The following KCNAB1 variants were observed in gnomAD, a reference collection of about 807,000 sequenced individuals.
The protein encoded by KCNAB1 is potassium voltage-gated channel subfamily A regulatory beta subunit 1.
Under a neutral mutation model 64.6 loss-of-function variants are expected in KCNAB1, and 35 were observed. The ratio of observed to expected loss-of-function variants is 0.54; its 90% confidence interval spans 0.41 to 0.72. The LOEUF is 0.72. KCNAB1 is among the 30% of genes least tolerant of loss of function. The pLI is 0.00. For synonymous variants in KCNAB1, 177 were observed against 183.8 expected (o/e 0.96, Z 0.30); for missense variants, 401 against 512.9 (o/e 0.78, Z 2.11).
intron 1 of KCNAB1, among the ~76,000 whole-genome samples, chr3:156,252,149 C>T (rs923418252): frequency 2.0e-5 from 3 of 152,238 alleles, no homozygotes; most frequent in Non-Finnish European, 4.4e-5. Flanking sequence ...CGGAGGGCAT[C>T]ACTGGGCCAT....
intron 1 of KCNAB1, among the ~76,000 whole-genome samples, chr3:156,288,477 A>C (rs1038276643): frequency 6.6e-6 from 1 of 152,192 alleles, no homozygotes. Flanking sequence ...TACATATTCC[A>C]AGTCTAATTG....
At position 156,159,312 on chromosome 3, in the gene KCNAB1, A is replaced by T. The variant is rs557414651; in HGVS notation, c.275+38426A>T. Among the ~76,000 whole-genome samples the T allele has an allele frequency of 1.1e-4, 16 of 152,306 alleles. No individual in the cohort carries two copies. The East Asian group carries it at 3.1e-3, about 29-fold the overall frequency. On this transcript the variant is annotated intron_variant, in intron 1 of 13. Transcript: ENST00000490337. Reference sequence around the variant, plus strand: ...GGGGAATATTTTCCTCTATTAGTCTATGTCTCAAGTGGTTTGTGCTGCTTA... The same window carrying T: ...GGGGAATATTTTCCTCTATTAGTCTTTGTCTCAAGTGGTTTGTGCTGCTTA...
intron 1 of KCNAB1, among the ~76,000 whole-genome samples, chr3:156,226,151 A>G (rs1405250464): frequency 6.6e-6 from 1 of 152,198 alleles, no homozygotes; most frequent in Non-Finnish European, 1.5e-5. Flanking sequence ...GCATCACATT[A>G]CCTGACTTCA....
At position 156,310,186 on chromosome 3, in the gene KCNAB1, C is replaced by T. The variant is rs115774457; in HGVS notation, c.276-111430C>T. Among the ~76,000 whole-genome samples, 1,150 of 152,236 alleles carry T rather than the reference C, an allele frequency of 7.6e-3. 19 individuals carry two copies. Among genetic ancestry groups the T allele is most frequent in the African/African-American group, 0.026 (1,100 of 41,526 alleles). ...CTCAAAAAAATGGGGTATTTCTCTC[C>T]CTGCCCCCAAGCCAAGAGGGAGACT... On this transcript the variant is annotated intron_variant, in intron 1 of 13. Coordinates refer to ENST00000490337, the MANE Select transcript of KCNAB1 (RefSeq NM_172160.3).
chr3:156,330,706 G>A (rs1723278210), intron 1 of KCNAB1, among the ~76,000 whole-genome samples: 1 of 152,124 alleles, frequency 6.6e-6, no homozygotes, highest in Non-Finnish European at 1.5e-5. Context: ...CCAGGTAGAT[G>A]CAAAGAAAAT....
At chr3:156,504,048 C>T (rs1156532146) in intron 8 of KCNAB1, among the ~76,000 whole-genome samples, 1 of 152,176 alleles carries the variant, frequency 6.6e-6, no homozygotes, top group Non-Finnish European at 1.5e-5. Flanking sequence ...ACCAAACTCT[C>T]CGTATCCTCC....
intron 1 of KCNAB1, among the ~76,000 whole-genome samples, chr3:156,196,169 A>C (rs775053899): frequency 6.6e-6 from 1 of 152,000 alleles, no homozygotes; most frequent in Non-Finnish European, 1.5e-5. Context: ...TACCATTACC[A>C]TGCTGTTTTG....
intron 1 of KCNAB1, among the ~76,000 whole-genome samples, chr3:156,272,824 C>T (rs868640562): frequency 6.6e-5 from 10 of 151,970 alleles, no homozygotes; most frequent in Non-Finnish European, 1.5e-5. Context: ...TGGGTCACAC[C>T]TAAAGCCAGC....
At chr3:156,350,471 C>T (rs1724782479) in intron 1 of KCNAB1, among the ~76,000 whole-genome samples, 1 of 148,220 alleles carries the variant, frequency 6.7e-6, no homozygotes, top group Non-Finnish European at 1.5e-5. Flanking sequence ...TGCACCACTG[C>T]ACTGTAGCCC....
At chr3:156,227,573 C>G (rs551534877) in intron 1 of KCNAB1, 1 of 151,874 alleles carries the variant, frequency 6.6e-6, no homozygotes, top group African/African-American at 2.4e-5. Context: ...GTAGGTAAGT[C>G]GACATTATTA....
intron 1 of KCNAB1, among the ~76,000 whole-genome samples, chr3:156,306,319 A>C (rs927408807): frequency 6.6e-6 from 1 of 152,198 alleles, no homozygotes; most frequent in Non-Finnish European, 1.5e-5. Flanking sequence ...ACTAGGCAGC[A>C]GGGCCACTTG....
At chr3:156,208,851 A>T (rs1714834027) in intron 1 of KCNAB1, among the ~76,000 whole-genome samples, 1 of 152,226 alleles carries the variant, frequency 6.6e-6, no homozygotes, top group Non-Finnish European at 1.5e-5. Flanking sequence ...TCACTCATTC[A>T]TACCTATTGG....
chr3:156,126,940 A>G (rs572547438), intron 1 of KCNAB1, among the ~76,000 whole-genome samples: 10 of 152,342 alleles, frequency 6.6e-5, no homozygotes, highest in Admixed American at 1.3e-4. Flanking sequence ...TGCCCTTGCT[A>G]TTATCATGAG....
At chr3:156,442,500 C>T (rs1209815219) in intron 2 of KCNAB1, among the ~76,000 whole-genome samples, 1 of 152,190 alleles carries the variant, frequency 6.6e-6, no homozygotes, top group Non-Finnish European at 1.5e-5. Flanking sequence ...TTCCTTGGCA[C>T]TGAAATACAT....
chr3:156,403,250 C>A (rs1297265737), intron 1 of KCNAB1, among the ~76,000 whole-genome samples: 1 of 152,172 alleles, frequency 6.6e-6, no homozygotes, highest in African/African-American at 2.4e-5. Context: ...AGCCTGGTCA[C>A]CATGCCATGT....
chr3:156,238,773 C>G (rs1717003612), intron 1 of KCNAB1, among the ~76,000 whole-genome samples: 1 of 152,122 alleles, frequency 6.6e-6, no homozygotes, highest in South Asian at 2.1e-4. Flanking sequence ...ACATCCTTGT[C>G]TCTGATCTAA....
intron 1 of KCNAB1, among the ~76,000 whole-genome samples, chr3:156,354,528 A>T (rs1249900700): frequency 1.3e-5 from 2 of 152,042 alleles, no homozygotes; most frequent in African/African-American, 4.8e-5. Context: ...AAAAACATCA[A>T]TTACCCTTTC....
In KCNAB1 at chr3:156,207,675, C is replaced by G. The variant is rs992599599; in HGVS notation, c.275+86789C>G. ...AAGAATAGAATCCATGTTAGCTGTG[C>G]CCATAGAAAAATGACTAAAAAGACA... On this transcript the variant is annotated intron_variant, in intron 1 of 13. Coordinates refer to ENST00000490337, the MANE Select transcript of KCNAB1 (RefSeq NM_172160.3). Among the ~76,000 whole-genome samples the G allele has an allele frequency of 4.6e-5, 7 of 152,204 alleles. No individual in the cohort carries two copies. The South Asian group carries it at 6.2e-4, about 14-fold the overall frequency.
chr3:156,172,835 C>T (rs1161177030), intron 1 of KCNAB1, among the ~76,000 whole-genome samples: 1 of 152,206 alleles, frequency 6.6e-6, no homozygotes, highest in Non-Finnish European at 1.5e-5. Context: ...TTTTGCTAGC[C>T]ATGGAGAGAG....
Sources: gnomAD v4.1 joint callset for allele counts (sites outside exome capture counted in the v4.1 genomes callset) on GRCh38, gnomAD v4.1.1 for gene constraint, MANE v1.5 for transcripts, NCBI Gene and HGNC (gene_info 2026-07-23, HGNC 2026-07-21) for gene names.